Variants in H2AC1 observed in about 807,000 individuals in gnomAD.
H2AC1 encodes the protein H2A clustered histone 1.
For synonymous variants in H2AC1, 145 were observed against 70.0 expected (o/e 2.07, Z -5.35); for missense variants, 218 against 173.8 (o/e 1.25, Z -1.43).
Position 25,726,391 on chromosome 6 carries a change from G to C in H2AC1, c.137C>G (p.Ala46Gly). The C allele has an allele frequency of 6.2e-7, 1 of 1,614,144 alleles. No individual in the cohort carries two copies. Among genetic ancestry groups the C allele is most frequent in the South Asian group, 1.1e-5 (1 of 91,068 alleles). ...RKGNYAERIG[A>G]GAPVYLAAVL... is the part of the protein sequence containing the mutation. ...TGCCGCCAAATACACTGGTGCGCCT[G>C]CCCCTATCCGCTCTGCATAGTTTCC... The change falls in exon 1 of 1, where the codon GCA becomes GGA. Residue 46 changes from alanine (A) to glycine (G), a missense_variant. Ala to Gly is a moderately conservative substitution (Grantham distance 60). Coordinates refer to ENST00000297012, the MANE Select transcript of H2AC1 (RefSeq NM_170745.3).
At position 25,726,229 on chromosome 6, in the gene H2AC1, C is replaced by G. The variant is rs200598078; in HGVS notation, c.299G>C (p.Gly100Ala). The G allele has an allele frequency of 7.4e-6, 12 of 1,612,868 alleles. No homozygotes were observed. The highest frequency in any genetic ancestry group is 9.3e-6 in the Non-Finnish European group (11 of 1,179,158). The part of the protein sequence containing the change: ...NDEELNKLLG[G>A]VTIAQGGVLP... ...GACTCCGCCCTGGGCAATGGTCACG[C>G]CGCCCAAAAGCTTATTGAGTTCCTC... The change falls in exon 1 of 1, where the codon GGC becomes GCC. Residue 100 changes from glycine (G) to alanine (A), a missense_variant. Transcript: ENST00000297012.
In H2AC1 at chr6:25,726,298, G is replaced by C. The variant is rs1191416634; in HGVS notation, c.230C>G (p.Thr77Ser). The C allele has an allele frequency of 6.2e-7, 1 of 1,613,984 alleles. No individual in the cohort carries two copies. Among genetic ancestry groups the C allele is most frequent in the South Asian group, 1.1e-5 (1 of 91,082 alleles). The change falls in exon 1 of 1, where the codon ACT becomes AGT. Residue 77 changes from threonine (T) to serine (S), a missense_variant. Thr to Ser is a moderately conservative substitution (Grantham distance 58). Coordinates refer to ENST00000297012, the MANE Select transcript of H2AC1 (RefSeq NM_170745.3). ...AGNASRDNKK[T>S]RIIPRHLQLA... ...CTGCAGGTGGCGGGGAATAATGCGA[G>C]TTTTTTTGTTATCGCGAGACGCATT...
chr6:25,726,106 GTC>G lies in H2AC1; in HGVS notation c.*24_*25del. The G allele has an allele frequency of 6.7e-7, 1 of 1,501,712 alleles. No individual in the cohort carries two copies. Among genetic ancestry groups the G allele is most frequent in the Non-Finnish European group, 8.9e-7 (1 of 1,124,212 alleles). 93.0% of individuals were successfully genotyped at this position (1,501,712 alleles called of 1,614,324 possible). A position where few individuals can be genotyped will look rare whatever the true frequency, so the allele number is the denominator to read the frequency against. Reference sequence around the variant, plus strand: ...GCCTTTTGTTTTTTCTGACACAGAAGTCTTTTTACCAATGACAACCTTAAGTT... The same window carrying G: ...GCCTTTTGTTTTTTCTGACACAGAAGTTTTTACCAATGACAACCTTAAGTT... On this transcript the variant is annotated 3_prime_UTR_variant, in exon 1 of 1. Coordinates refer to ENST00000297012, the MANE Select transcript of H2AC1 (RefSeq NM_170745.3).
rs1194935784 is a variant in H2AC1, at chr6:25,726,117, A to C, written c.*15T>G. On this transcript the variant is annotated 3_prime_UTR_variant, in exon 1 of 1. Transcript: ENST00000297012. The stretch of plus-strand genomic sequence containing the variant: ...TTTCTGACACAGAAGTCTTTTTACC[A>C]ATGACAACCTTAAGTTACTTGCTTT... The C allele has an allele frequency of 6.6e-7, 1 of 1,507,216 alleles. No individual in the cohort carries two copies. Among genetic ancestry groups the C allele is most frequent in the East Asian group, 2.3e-5 (1 of 43,874 alleles). 93.4% of individuals were successfully genotyped at this position (1,507,216 alleles called of 1,614,324 possible).
Position 25,726,401 on chromosome 6 carries a change from G to C in H2AC1, c.127C>G (p.Arg43Gly), listed in dbSNP as rs763938944. ...RLLRKGNYAE[R>G]IGAGAPVYLA... ...TACACTGGTGCGCCTGCCCCTATCC[G>C]CTCTGCATAGTTTCCCTTACGAAGC... Residue 43 changes from arginine to glycine, a missense_variant, in exon 1 of 1, where the codon CGG (arginine) becomes GGG (glycine). By Grantham distance (125) the Arg-to-Gly change is moderately radical. Transcript: ENST00000297012. 9.9e-6 allele frequency: 16 copies of C among 1,613,988 alleles called. No individual in the cohort carries two copies. The highest frequency in any genetic ancestry group is 3.4e-6 in the Non-Finnish European group (4 of 1,180,038).
Sources: gnomAD v4.1 joint callset for allele counts on GRCh38, gnomAD v4.1.1 for gene constraint, MANE v1.5 for transcripts, NCBI Gene and HGNC (gene_info 2026-07-23, HGNC 2026-07-21) for gene names.